NDST3: variants seen among roughly 807,000 people sequenced by gnomAD.
The protein encoded by NDST3 is N-deacetylase and N-sulfotransferase 3.
Under a neutral mutation model 96.1 loss-of-function variants are expected in NDST3, and 58 were observed. That is an observed-to-expected ratio of 0.60 (90% CI 0.49 to 0.75). NDST3 has a LOEUF of 0.75. Among genes scored for constraint, NDST3 ranks in the 30% least tolerant of loss-of-function variants. The probability of loss-of-function intolerance (pLI) is 0.00; values close to 1 mark genes in which losing one functional copy is unlikely to be tolerated. For synonymous variants in NDST3, 333 were observed against 359.7 expected (o/e 0.93, Z 0.84); for missense variants, 788 against 1,034.2 (o/e 0.76, Z 3.27).
chr4:118,243,884 C>T (rs1578865890), intron 12 of NDST3, among the ~76,000 whole-genome samples: 1 of 152,144 alleles, frequency 6.6e-6, no homozygotes, highest in East Asian at 1.9e-4. Flanking sequence ...GCAGTGTAAA[C>T]TTAAGAGAAT....
At chr4:118,196,896 C>T (rs930148189) in intron 6 of NDST3, among the ~76,000 whole-genome samples, 1 of 145,444 alleles carries the variant, frequency 6.9e-6, no homozygotes, top group Non-Finnish European at 1.5e-5. Flanking sequence ...TTGGTTTGCT[C>T]TTGCTTTTCT....
chr4:118,249,976 T>G (rs1741578270), intron 12 of NDST3, among the ~76,000 whole-genome samples: 1 of 152,246 alleles, frequency 6.6e-6, no homozygotes, highest in Non-Finnish European at 1.5e-5. Context: ...ATCATCAAGC[T>G]ACTTTCTTTC....
At chr4:118,186,115 A>G (rs1380221986) in intron 6 of NDST3, among the ~76,000 whole-genome samples, 1 of 152,102 alleles carries the variant, frequency 6.6e-6, no homozygotes, top group Non-Finnish European at 1.5e-5. Flanking sequence ...CTTACAGGAG[A>G]AAAACAAAAT....
In NDST3 at chr4:118,256,669, G is replaced by A. The variant is rs1742140786; in HGVS notation, c.*957G>A. 1 of 152,126 alleles carries A rather than the reference G, an allele frequency of 6.6e-6. No homozygotes were observed. The highest frequency in any genetic ancestry group is 2.1e-4 in the South Asian group (1 of 4,828). 9.4% of individuals were successfully genotyped at this position (152,126 alleles called of 1,614,324 possible). On this transcript the variant is annotated 3_prime_UTR_variant, in exon 14 of 14. Coordinates refer to ENST00000296499, the MANE Select transcript of NDST3 (RefSeq NM_004784.3). ...CAGAAACAGGTTGACTTTTAAATGT[G>A]AATAGCTATTTTTAATGCTCCCCAA...
In NDST3 at chr4:118,236,364, T is replaced by C. The variant is rs551514527; in HGVS notation, c.1944-682T>C. Among the ~76,000 whole-genome samples the C allele has an allele frequency of 2.0e-3, 304 of 152,346 alleles. 1 individual carries two copies. Among genetic ancestry groups the C allele is most frequent in the Non-Finnish European group, 3.1e-3 (208 of 68,020 alleles). On this transcript the variant is annotated intron_variant, in intron 9 of 13. Coordinates refer to ENST00000296499, the MANE Select transcript of NDST3 (RefSeq NM_004784.3). ...TCCCTGTGTTCATTCTGCTGGTAATTTGAATTCTCTCTACCCATGAGGATA... is the reference window on the plus strand; with the variant it reads ...TCCCTGTGTTCATTCTGCTGGTAATCTGAATTCTCTCTACCCATGAGGATA...
At chr4:118,053,132 T>G (rs1056273276) in intron 1 of NDST3, among the ~76,000 whole-genome samples, 3 of 152,016 alleles carry the variant, frequency 2.0e-5, no homozygotes, top group South Asian at 4.1e-4. Flanking sequence ...TCTTACCACA[T>G]GACTGTTTTG....
chr4:118,084,402 T>C (rs1407760161), intron 2 of NDST3, among the ~76,000 whole-genome samples: 6 of 152,218 alleles, frequency 3.9e-5, no homozygotes, highest in Non-Finnish European at 4.4e-5. Context: ...AAGCAACTTA[T>C]GGCCCAAATG....
intron 4 of NDST3, among the ~76,000 whole-genome samples, chr4:118,125,502 T>C (rs532240017): frequency 6.6e-5 from 10 of 152,172 alleles, no homozygotes; most frequent in African/African-American, 2.2e-4. Flanking sequence ...ATTAACCAAA[T>C]TTATGTAACT....
intron 6 of NDST3, among the ~76,000 whole-genome samples, chr4:118,166,972 G>A (rs12506091): frequency 1.1e-4 from 17 of 151,226 alleles, no homozygotes; most frequent in African/African-American, 3.9e-4. Context: ...GAAAACTTGC[G>A]TGAGGAACAA....
intron 6 of NDST3, among the ~76,000 whole-genome samples, chr4:118,155,814 A>C (rs1446917313): frequency 6.6e-6 from 1 of 152,240 alleles, no homozygotes; most frequent in African/African-American, 2.4e-5. Context: ...ACAAGAAAGC[A>C]TGATTAAGTT....
intron 8 of NDST3, among the ~76,000 whole-genome samples, chr4:118,232,502 C>G (rs1220688531): frequency 6.6e-6 from 1 of 151,694 alleles, no homozygotes; most frequent in Non-Finnish European, 1.5e-5. Context: ...TAGCCCGGCA[C>G]AGTGGTGCAT....
At position 118,233,058 on chromosome 4, in the gene NDST3, T is replaced by G; in HGVS notation, c.1866T>G (p.Leu622=). The G allele has an allele frequency of 1.2e-6, 2 of 1,613,020 alleles. No homozygotes were observed. The part of the protein sequence containing the change: ...YLFLVMHPSI[L]SNSPSPKTFE... ...TCCTGGTTATGCATCCTTCCATCCT[T>G]AGTAACTCCCCCAGCCCAAAAACCT... Residue 622 remains leucine, a synonymous_variant, in exon 9 of 14, where the codon CTT becomes CTG. Coordinates refer to ENST00000296499, the MANE Select transcript of NDST3 (RefSeq NM_004784.3).
At chr4:118,100,578 T>C (rs1279908642) in intron 2 of NDST3, among the ~76,000 whole-genome samples, 1 of 152,194 alleles carries the variant, frequency 6.6e-6, no homozygotes, top group East Asian at 1.9e-4. Context: ...AAAGTGACAG[T>C]TAAATATTGA....
At chr4:118,169,430 A>G (rs1360916763) in intron 6 of NDST3, among the ~76,000 whole-genome samples, 1 of 152,158 alleles carries the variant, frequency 6.6e-6, no homozygotes, top group Non-Finnish European at 1.5e-5. Flanking sequence ...TTAGCCCCAA[A>G]ATAAAGAGGC....
At chr4:118,243,180 A>C (rs1268670576) in intron 12 of NDST3, among the ~76,000 whole-genome samples, 1 of 152,116 alleles carries the variant, frequency 6.6e-6, no homozygotes, top group African/African-American at 2.4e-5. Flanking sequence ...TATAAAACTC[A>C]GTTCCACAGA....
intron 6 of NDST3, among the ~76,000 whole-genome samples, chr4:118,218,607 G>C (rs1739342767): frequency 6.6e-6 from 1 of 152,018 alleles, no homozygotes. Context: ...GCAAAAGCTA[G>C]AAGCATTTCC....
chr4:118,157,689 TG>T (rs1734807807), intron 6 of NDST3, among the ~76,000 whole-genome samples: 1 of 152,144 alleles, frequency 6.6e-6, no homozygotes, highest in African/African-American at 2.4e-5. Flanking sequence ...CCTAAAGTGC[TG>T]GGATTGCAGG....
intron 2 of NDST3, among the ~76,000 whole-genome samples, chr4:118,069,089 A>G (rs1159106927): frequency 6.6e-6 from 1 of 152,094 alleles, no homozygotes; most frequent in Non-Finnish European, 1.5e-5. Context: ...GATAATTTTG[A>G]CAAAGTAATG....
At chr4:118,214,192 G>C (rs1486629261) in intron 6 of NDST3, among the ~76,000 whole-genome samples, 3 of 152,090 alleles carry the variant, frequency 2.0e-5, no homozygotes, top group African/African-American at 7.2e-5. Flanking sequence ...ATGCACACTG[G>C]AATGGAAAGT....
Sources: allele counts gnomAD v4.1 joint callset (sites outside exome capture counted in the v4.1 genomes callset), GRCh38; gene constraint gnomAD v4.1.1; transcripts MANE v1.5; gene names NCBI Gene and HGNC (gene_info 2026-07-23, HGNC 2026-07-21).